DLGAP1: variants seen among roughly 807,000 people sequenced by gnomAD.
DLGAP1 encodes the protein disks large-associated protein 1.
A neutral mutation model predicts 90.8 loss-of-function variants in DLGAP1; 11 were observed. That is an observed-to-expected ratio of 0.12 (90% CI 0.08 to 0.20). The LOEUF (loss-of-function observed/expected upper bound fraction) is 0.20. DLGAP1 is among the 10% of genes least tolerant of loss of function. The pLI is 1.00. For missense variants in DLGAP1, 1,050 were observed against 1,333.8 expected (o/e 0.79, Z 3.31); for synonymous variants, 558 against 540.7 (o/e 1.03, Z -0.44).
chr18:4,394,569 GT>G (rs1052021192), intron 1 of DLGAP1, among the ~76,000 whole-genome samples: 1 of 152,090 alleles, frequency 6.6e-6, no homozygotes, highest in African/African-American at 2.4e-5. Context: ...TAATCACTGG[GT>G]TTAATCAATT....
At position 4,221,275 on chromosome 18, in the gene DLGAP1, A is replaced by G. The variant is rs374572543; in HGVS notation, c.-266-69988T>C. ...CCCTTGCCTGTTATAATTAAACATT[A>G]TCAATTATCTCCATTAAAAAAATTC... On this transcript the variant is annotated intron_variant, in intron 1 of 12. Transcript: ENST00000315677. Among the ~76,000 whole-genome samples the G allele has an allele frequency of 7.2e-5, 11 of 152,256 alleles. No individual in the cohort carries two copies. The East Asian group carries it at 2.1e-3, about 29-fold the overall frequency.
chr18:3,508,794 C>T (rs1568098688), intron 10 of DLGAP1, 133 bp from the exon 11 acceptor site: 2 of 628,718 alleles, frequency 3.2e-6, no homozygotes, highest in Non-Finnish European at 5.4e-6. Flanking sequence ...CACTCATGCC[C>T]ACCCAGACAG....
intron 7 of DLGAP1, among the ~76,000 whole-genome samples, chr18:3,651,228 A>G (rs373497023): frequency 4.0e-5 from 6 of 151,214 alleles, no homozygotes; most frequent in East Asian, 2.0e-4. Flanking sequence ...GCATGGTGGC[A>G]GGCGCCTGTA....
chr18:3,874,254 G>T (rs761320957), intron 4 of DLGAP1: 2 of 1,549,702 alleles, frequency 1.3e-6, no homozygotes, highest in Non-Finnish European at 1.7e-6. Flanking sequence ...TTTCATCTCT[G>T]GGAGTGCTTT....
intron 1 of DLGAP1, among the ~76,000 whole-genome samples, chr18:4,320,794 T>C (rs2080667307): frequency 2.0e-5 from 3 of 148,248 alleles, no homozygotes; most frequent in Admixed American, 2.0e-4. Context: ...ACCCGTAAGA[T>C]TAAAAAAGAA....
chr18:3,880,467 C>A (rs1210770461), intron 3 of DLGAP1, among the ~76,000 whole-genome samples: 1 of 152,024 alleles, frequency 6.6e-6, no homozygotes. Flanking sequence ...CGTGAGCAAC[C>A]CTGCAGGCCT....
At chr18:4,000,919 C>T (rs1393754953) in intron 3 of DLGAP1, among the ~76,000 whole-genome samples, 2 of 152,106 alleles carry the variant, frequency 1.3e-5, no homozygotes, top group African/African-American at 2.4e-5. Context: ...TTACCAGGTA[C>T]GTCCTTTCAA....
At chr18:3,996,971 T>C (rs1019674718) in intron 3 of DLGAP1, among the ~76,000 whole-genome samples, 5 of 151,916 alleles carry the variant, frequency 3.3e-5, no homozygotes, top group African/African-American at 4.8e-5. Flanking sequence ...TGTTTATAAA[T>C]TTTTAGTAAC....
At chr18:4,273,294 C>T (rs529299163) in intron 1 of DLGAP1, among the ~76,000 whole-genome samples, 7 of 152,196 alleles carry the variant, frequency 4.6e-5, no homozygotes, top group African/African-American at 1.4e-4. Context: ...CTGCCTCTCC[C>T]GCTCTTGCTT....
intron 2 of DLGAP1, among the ~76,000 whole-genome samples, chr18:4,037,409 G>A (rs773303287): frequency 6.6e-6 from 1 of 152,162 alleles, no homozygotes; most frequent in Non-Finnish European, 1.5e-5. Flanking sequence ...TTATATGTAT[G>A]TATCATGTGA....
At chr18:3,961,345 G>C (rs1207193735) in intron 3 of DLGAP1, among the ~76,000 whole-genome samples, 1 of 152,184 alleles carries the variant, frequency 6.6e-6, no homozygotes, top group Non-Finnish European at 1.5e-5. Flanking sequence ...TGCTATGTCT[G>C]GTTGGCTTTT....
intron 10 of DLGAP1, among the ~76,000 whole-genome samples, chr18:3,512,027 A>G (rs778526304): frequency 1.8e-4 from 27 of 150,482 alleles, no homozygotes; most frequent in Non-Finnish European, 5.9e-5. Flanking sequence ...TTAAAGCTCT[A>G]TGGGTGTTGA....
At chr18:3,882,189 G>A (rs2071189821) in intron 3 of DLGAP1, among the ~76,000 whole-genome samples, 2 of 152,212 alleles carry the variant, frequency 1.3e-5, no homozygotes, top group South Asian at 4.2e-4. Flanking sequence ...GCTTGACTAG[G>A]CTAATTTGAG....
At chr18:3,900,480 C>A (rs111987098) in intron 3 of DLGAP1, among the ~76,000 whole-genome samples, 4,985 of 152,284 alleles carry the variant, frequency 0.033, 134 homozygotes, top group Middle Eastern at 0.051. Context: ...TCCCTCCTAA[C>A]GAGAATTCTT....
intron 1 of DLGAP1, among the ~76,000 whole-genome samples, chr18:4,318,057 A>G (rs891458231): frequency 2.0e-5 from 3 of 152,198 alleles, no homozygotes; most frequent in African/African-American, 7.2e-5. Flanking sequence ...CATGTTGGCC[A>G]GGCCTTCTCA....
At chr18:4,301,345 T>G (rs1275039593) in intron 1 of DLGAP1, among the ~76,000 whole-genome samples, 1 of 152,186 alleles carries the variant, frequency 6.6e-6, no homozygotes. Context: ...TTCTGTAAGT[T>G]AGATTGTTTC....
At chr18:4,004,369 C>G (rs181111198) in intron 3 of DLGAP1, among the ~76,000 whole-genome samples, 4 of 134,014 alleles carry the variant, frequency 3.0e-5, no homozygotes, top group Non-Finnish European at 4.5e-5. Context: ...CAGCTACCCC[C>G]GAGGCCCTCT....
At chr18:3,754,723 C>CAAAAAAAAAAAAAAA (rs1161245616) in intron 5 of DLGAP1, among the ~76,000 whole-genome samples, 2 of 58,766 alleles carry the variant, frequency 3.4e-5, no homozygotes, top group Middle Eastern at 8.5e-3. Flanking sequence ...TACTAAAATA[C>CAAAAAAAAAAAAAAA]AAAAAAAAAA....
intron 1 of DLGAP1, among the ~76,000 whole-genome samples, chr18:4,382,993 T>C (rs76938105): frequency 0.022 from 3,279 of 152,232 alleles, 53 homozygotes; most frequent in Non-Finnish European, 0.031. Flanking sequence ...AGTATATCAG[T>C]AACTGTATTT....
Sources: gnomAD v4.1 joint callset for allele counts (sites outside exome capture counted in the v4.1 genomes callset) on GRCh38, gnomAD v4.1.1 for gene constraint, MANE v1.5 for transcripts, NCBI Gene and HGNC (gene_info 2026-07-23, HGNC 2026-07-21) for gene names.